The following GRPR variants were observed in gnomAD, a reference collection of about 807,000 sequenced individuals.
GRPR encodes gastrin releasing peptide receptor.
Under a neutral mutation model 15.6 loss-of-function variants are expected in GRPR, and 4 were observed. That is an observed-to-expected ratio of 0.26 (90% confidence interval 0.13 to 0.59). The LOEUF (loss-of-function observed/expected upper bound fraction) is 0.59, where lower values mean the gene tolerates loss of function less well. Among genes scored for constraint, GRPR ranks in the 20% least tolerant of loss-of-function variants. The probability of loss-of-function intolerance (pLI) is 0.90; values close to 1 mark genes in which losing one functional copy is unlikely to be tolerated. For missense variants in GRPR, 270 were observed against 304.1 expected (o/e 0.89, Z 0.83); for synonymous variants, 128 against 126.8 (o/e 1.01, Z -0.06).
chrX:16,140,330 G>T (rs919363022), intron 1 of GRPR, among the ~76,000 whole-genome samples: 12 of 112,382 alleles, frequency 1.1e-4, no homozygotes, highest in Non-Finnish European at 2.3e-4. Context: ...TGATAATTTA[G>T]AAGTTCCATT....
At chrX:16,142,725 G>T (rs1429657779) in intron 1 of GRPR, among the ~76,000 whole-genome samples, 3 of 110,758 alleles carry the variant, frequency 2.7e-5, no homozygotes, top group Admixed American at 1.9e-4. Context: ...AAGAATGGGG[G>T]TTGGTATACT....
At chrX:16,143,826 G>A (rs1922564874) in intron 1 of GRPR, among the ~76,000 whole-genome samples, 1 of 112,186 alleles carries the variant, frequency 8.9e-6, no homozygotes, top group Non-Finnish European at 1.9e-5. Context: ...AATGGGGAAT[G>A]TAATACCTAA....
chrX:16,146,555 C>T (rs182035575), intron 1 of GRPR, among the ~76,000 whole-genome samples: 61 of 111,285 alleles, frequency 5.5e-4, no homozygotes, highest in African/African-American at 1.8e-3. Context: ...TCTATTTTTC[C>T]GTTTAAATGC....
Position 16,152,301 on chromosome X carries a change from G to T in GRPR, c.811G>T (p.Gly271Cys), listed in dbSNP as rs776352760. 10 of 1,204,790 alleles carry T rather than the reference G, an allele frequency of 8.3e-6. No homozygotes were observed. The highest frequency in any genetic ancestry group is 5.3e-5 in the South Asian group (3 of 56,604). Residue 271 changes from glycine (G) to cysteine (C), a missense_variant, in exon 3 of 3, where the codon GGC (glycine) becomes TGC (cysteine). Physicochemically the swap from Gly to Cys is radical, Grantham distance 159. Around this residue, in one of 3 missense-constraint regions of GRPR, gnomAD observed 133 missense variants for 123.4 expected, o/e 1.08. Coordinates refer to ENST00000380289, the MANE Select transcript of GRPR (RefSeq NM_005314.3). ...TGCCAAGACAGTGCTGGTGTTTGTG[G>T]GCCTGTTCGCCTTCTGCTGGCTCCC... ...RLAKTVLVFV[G>C]LFAFCWLPNH...
At chrX:16,152,180 G>C in intron 2 of GRPR, 76 bp from the exon 3 acceptor site, 1 of 890,740 alleles carries the variant, frequency 1.1e-6, no homozygotes, top group South Asian at 2.0e-5. Context: ...TTCTCTGCCT[G>C]AATCTTTGTC....
chrX:16,126,152 C>T (rs1445006561), intron 1 of GRPR, among the ~76,000 whole-genome samples: 1 of 111,629 alleles, frequency 9.0e-6, no homozygotes, highest in African/African-American at 3.3e-5. Context: ...CACTCCTTCG[C>T]GGCTCCAGTG....
At chrX:16,150,248 C>A in intron 1 of GRPR, 57 bp from the exon 2 acceptor site, 3 of 839,202 alleles carry the variant, frequency 3.6e-6, no homozygotes, top group Non-Finnish European at 5.4e-6. Context: ...TTAGTCCTGG[C>A]CCTGGTATTC....
chrX:16,129,525 A>T (rs192533736), intron 1 of GRPR, among the ~76,000 whole-genome samples: 1 of 111,344 alleles, frequency 9.0e-6, no homozygotes, highest in Non-Finnish European at 1.9e-5. Context: ...TTGGGGTCCA[A>T]ATTTCTTCCC....
chrX:16,124,358 G>A lies in GRPR; in HGVS notation c.405G>A (p.Ser135=), dbSNP rs147637788. The part of the protein sequence containing the change: ...GVSVFTLTAL[S]ADRYKAIVRP... The stretch of plus-strand genomic sequence containing the variant: ...CTGTCTTCACACTCACGGCGCTCTC[G>A]GCAGACAGGTAAGTACAGGCTGAAA... Residue 135 remains serine, a synonymous_variant, in exon 1 of 3, where the codon TCG becomes TCA. Transcript: ENST00000380289. 7.5e-5 allele frequency: 91 copies of A among 1,206,185 alleles called. No homozygotes were observed. Among genetic ancestry groups the A allele is most frequent in the African/African-American group, 4.2e-4 (24 of 56,864 alleles).
chrX:16,147,258 C>T lies in GRPR; in HGVS notation c.414-3047C>T, dbSNP rs190021547. On this transcript the variant is annotated intron_variant, in intron 1 of 2. Coordinates refer to ENST00000380289, the MANE Select transcript of GRPR (RefSeq NM_005314.3). Reference sequence around the variant, plus strand: ...CAAGGTCTTTTAAGAAACACATAGCCGCAATACCCTTATCACACTCAATAC... The same window carrying T: ...CAAGGTCTTTTAAGAAACACATAGCTGCAATACCCTTATCACACTCAATAC... Among the ~76,000 whole-genome samples, 514 of 111,406 alleles carry T rather than the reference C, an allele frequency of 4.6e-3. 16 individuals carry two copies. The Admixed American group carries it at 0.046, about 10-fold the overall frequency.
At chrX:16,144,542 C>A (rs1922577040) in intron 1 of GRPR, among the ~76,000 whole-genome samples, 1 of 111,773 alleles carries the variant, frequency 8.9e-6, no homozygotes, top group Non-Finnish European at 1.9e-5. Flanking sequence ...TAAAAATAAA[C>A]AAACTGCCCA....
rs1366356757 is a variant in GRPR at position 16,152,303 on chromosome X, C to T, written c.813C>T (p.Gly271=). 1.7e-6 allele frequency: 2 copies of T among 1,203,712 alleles called. No individual in the cohort carries two copies. Among genetic ancestry groups the T allele is most frequent in the Non-Finnish European group, 2.2e-6 (2 of 889,890 alleles). Residue 271 remains glycine, a synonymous_variant, in exon 3 of 3, where the codon GGC becomes GGT. Transcript: ENST00000380289. ...RLAKTVLVFV[G]LFAFCWLPNH... Reference sequence around the variant, plus strand: ...CCAAGACAGTGCTGGTGTTTGTGGGCCTGTTCGCCTTCTGCTGGCTCCCCA... The same window carrying T: ...CCAAGACAGTGCTGGTGTTTGTGGGTCTGTTCGCCTTCTGCTGGCTCCCCA...
At chrX:16,134,661 G>T (rs1470205182) in intron 1 of GRPR, among the ~76,000 whole-genome samples, 1 of 111,007 alleles carries the variant, frequency 9.0e-6, no homozygotes, top group African/African-American at 3.3e-5. Flanking sequence ...AGCCTGAGGT[G>T]TTAACCTGGG....
chrX:16,135,766 A>G (rs982238952), intron 1 of GRPR, among the ~76,000 whole-genome samples: 2 of 112,435 alleles, frequency 1.8e-5, no homozygotes, highest in Non-Finnish European at 3.8e-5. Flanking sequence ...TAGTTACCCC[A>G]TGAGTACATA....
intron 1 of GRPR, among the ~76,000 whole-genome samples, chrX:16,128,431 C>T (rs12834084): frequency 0.26 from 28,868 of 109,600 alleles, 3,165 homozygotes; most frequent in Middle Eastern, 0.33. Flanking sequence ...AGGAGAATTG[C>T]TTGAACCCAG....
intron 1 of GRPR, among the ~76,000 whole-genome samples, chrX:16,127,257 C>T (rs1022445225): frequency 9.0e-6 from 1 of 111,559 alleles, no homozygotes; most frequent in Non-Finnish European, 1.9e-5. Context: ...TTCTGCAGTT[C>T]CCCCCTTCAC....
chrX:16,151,168 G>A (rs896124263), intron 2 of GRPR, among the ~76,000 whole-genome samples: 16 of 112,061 alleles, frequency 1.4e-4, no homozygotes, highest in Non-Finnish European at 2.4e-4. Context: ...TTACCTATCA[G>A]ATAGGCTTAT....
chrX:16,145,819 A>C (rs1569127915), intron 1 of GRPR, among the ~76,000 whole-genome samples: 2 of 111,785 alleles, frequency 1.8e-5, no homozygotes, highest in Non-Finnish European at 3.8e-5. Context: ...AGAAGAAAGA[A>C]AAGACATACC....
At chrX:16,135,075 A>C (rs1161831426) in intron 1 of GRPR, among the ~76,000 whole-genome samples, 1 of 111,360 alleles carries the variant, frequency 9.0e-6, no homozygotes, top group Non-Finnish European at 1.9e-5. Flanking sequence ...TCACAGCCTC[A>C]AATTATCTCA....
Sources: allele counts gnomAD v4.1 joint callset (sites outside exome capture counted in the v4.1 genomes callset), GRCh38; gene constraint gnomAD v4.1.1; regional missense constraint gnomAD v4.1.1; transcripts MANE v1.5; gene names NCBI Gene and HGNC (gene_info 2026-07-23, HGNC 2026-07-21).